UROD: variants seen among roughly 807,000 people sequenced by gnomAD.
UROD encodes the protein uroporphyrinogen III decarboxylase.
A neutral mutation model predicts 47.1 loss-of-function variants in UROD; 34 were observed. The ratio of observed to expected loss-of-function variants is 0.72; its 90% confidence interval spans 0.55 to 0.96. The LOEUF (loss-of-function observed/expected upper bound fraction) is 0.96, where lower values mean the gene tolerates loss of function less well. Ranked by LOEUF, UROD falls within the 40% of genes least tolerant of loss-of-function variation. The probability of loss-of-function intolerance (pLI) is 0.00; values close to 1 mark genes in which losing one functional copy is unlikely to be tolerated. For missense variants in UROD, 381 were observed against 471.8 expected (o/e 0.81, Z 1.78); for synonymous variants, 148 against 175.8 (o/e 0.84, Z 1.25).
intron 1 of UROD, 35 bp from the exon 2 acceptor site, chr1:45,012,872 A>G: frequency 6.2e-7 from 1 of 1,612,570 alleles, no homozygotes; most frequent in South Asian, 1.1e-5. Flanking sequence ...AGCGTAGCAT[A>G]CTGACACCTA....
chr1:45,015,202 G>A (rs915691418), intron 9 of UROD, 135 bp from the exon 10 acceptor site: 1 of 1,451,426 alleles, frequency 6.9e-7, no homozygotes, highest in African/African-American at 1.4e-5. Flanking sequence ...CCATACTAGG[G>A]ATCTGATAAA....
chr1:45,013,442 T>G lies in UROD; in HGVS notation c.276+88T>G. ...TCCAGTCAAGGTTTACAATAAGCAC[T>G]TATCCTAACTGGATCGAGGGAAAAA... is the stretch of plus-strand genomic sequence containing the variant. On this transcript the variant is annotated intron_variant, in intron 4 of 9. Transcript: ENST00000246337. The surrounding 1 kb of genome is among the most constrained non-coding windows in gnomAD (Gnocchi z 4.2). 1 of 1,605,868 alleles carries G rather than the reference T, an allele frequency of 6.2e-7. No homozygotes were observed. The highest frequency in any genetic ancestry group is 8.5e-7 in the Non-Finnish European group (1 of 1,172,590).
chr1:45,013,325 A>T lies in UROD; in HGVS notation c.247A>T (p.Ile83Phe). ...TCGCTTCCCTCTGGATGCTGCCATC[A>T]TTTTCTCCGACATCCTTGTTGTACC... ...LRRFPLDAAIIFSDILVVPQA... is the reference protein window; with the variant it reads ...LRRFPLDAAIFFSDILVVPQA... The change falls in exon 4 of 10, where the codon ATT (isoleucine) becomes TTT (phenylalanine). Residue 83 changes from isoleucine (I) to phenylalanine (F), a missense_variant. Ile to Phe is a conservative substitution (Grantham distance 21). Coordinates refer to ENST00000246337, the MANE Select transcript of UROD (RefSeq NM_000374.5). This position sits in a 1 kb window ranked among gnomAD's most constrained non-coding sequence, Gnocchi z 4.2. 6.2e-7 allele frequency: 1 copy of T among 1,614,094 alleles called. No individual in the cohort carries two copies. Among genetic ancestry groups the T allele is most frequent in the South Asian group, 1.1e-5 (1 of 91,078 alleles).
rs776582673 is a variant in UROD at position 45,013,525 on chromosome 1, G to C, written c.277-69G>C. ...TTTATTCTCCTTTTCCTTCCTCCTG[G>C]AATGAGCTGAACAGAACCTTTCCTC... On this transcript the variant is annotated intron_variant, in intron 4 of 9. Coordinates refer to ENST00000246337, the MANE Select transcript of UROD (RefSeq NM_000374.5). This position sits in a 1 kb window ranked among gnomAD's most constrained non-coding sequence, Gnocchi z 4.2. 137 of 1,610,758 alleles carry C rather than the reference G, an allele frequency of 8.5e-5. No individual in the cohort carries two copies. The highest frequency in any genetic ancestry group is 1.1e-4 in the Non-Finnish European group (126 of 1,177,932).
rs141274299 is a variant in UROD at position 45,012,992 on chromosome 1, A to C, written c.106A>C (p.Met36Leu). Residue 36 changes from methionine (M) to leucine (L), a missense_variant, in exon 2 of 10, where the codon ATG (methionine) becomes CTG (leucine). Physicochemically the swap from Met to Leu is conservative, Grantham distance 15. Coordinates refer to ENST00000246337, the MANE Select transcript of UROD (RefSeq NM_000374.5). Reference protein sequence around the residue: ...EETDYTPVWCMRQAGRYLPEF... With the variant: ...EETDYTPVWCLRQAGRYLPEF... Reference sequence around the variant, plus strand: ...AACAGACTACACTCCCGTTTGGTGCATGCGCCAGGCAGGCCGTTACTTACC... The same window carrying C: ...AACAGACTACACTCCCGTTTGGTGCCTGCGCCAGGCAGGCCGTTACTTACC... The C allele has an allele frequency of 8.1e-6, 13 of 1,613,834 alleles. No individual in the cohort carries two copies. The African/African-American group carries it at 1.5e-4, about 18-fold the overall frequency.
intron 1 of UROD, 144 bp downstream of exon 1, chr1:45,012,429 A>G (rs1194991782): frequency 2.5e-6 from 3 of 1,222,746 alleles, no homozygotes; most frequent in Non-Finnish European, 3.6e-6. Flanking sequence ...GAATCCTAAA[A>G]CCATGGATTT....
Position 45,013,396 on chromosome 1 carries a change from C to A in UROD, c.276+42C>A. The A allele has an allele frequency of 6.2e-7, 1 of 1,612,920 alleles. No individual in the cohort carries two copies. Among genetic ancestry groups the A allele is most frequent in the Non-Finnish European group, 8.5e-7 (1 of 1,178,922 alleles). ...GATCCTAGAATATAATCCAAGGACG[C>A]CTTGAAAATCCTTCTATCAGTCCAG... On this transcript the variant is annotated intron_variant, in intron 4 of 9. Coordinates refer to ENST00000246337, the MANE Select transcript of UROD (RefSeq NM_000374.5). This position sits in a 1 kb window ranked among gnomAD's most constrained non-coding sequence, Gnocchi z 4.2.
intron 6 of UROD, 165 bp from the exon 7 acceptor site, chr1:45,014,274 C>A: frequency 2.3e-6 from 3 of 1,321,608 alleles, no homozygotes; most frequent in Non-Finnish European, 3.2e-6. Flanking sequence ...AAAGTTAGTG[C>A]TGGGATCTGA....
Position 45,013,041 on chromosome 1 carries a change from T to G in UROD, c.133+22T>G, listed in dbSNP as rs775870394. Reference sequence around the variant, plus strand: ...CCAGGTAAGAGTCAGGGTCTGGAAATCTAGATAAAACTCCGGAGGGAGAAA... The same window carrying G: ...CCAGGTAAGAGTCAGGGTCTGGAAAGCTAGATAAAACTCCGGAGGGAGAAA... On this transcript the variant is annotated intron_variant, in intron 2 of 9. Coordinates refer to ENST00000246337, the MANE Select transcript of UROD (RefSeq NM_000374.5). This position sits in a 1 kb window ranked among gnomAD's most constrained non-coding sequence, Gnocchi z 4.2. 4 of 1,613,976 alleles carry G rather than the reference T, an allele frequency of 2.5e-6. No individual in the cohort carries two copies. The Admixed American group carries it at 6.7e-5, about 27-fold the overall frequency.
chr1:45,013,492 G>A lies in UROD; in HGVS notation c.277-102G>A. On this transcript the variant is annotated intron_variant, in intron 4 of 9. Transcript: ENST00000246337. This position sits in a 1 kb window ranked among gnomAD's most constrained non-coding sequence, Gnocchi z 4.2. ...ACTAAGGTTGAAAGAAATGGAGTTT[G>A]GCAGAGTTTTATTCTCCTTTTCCTT... The A allele has an allele frequency of 1.2e-6, 2 of 1,602,734 alleles. No homozygotes were observed. Among genetic ancestry groups the A allele is most frequent in the South Asian group, 1.1e-5 (1 of 90,430 alleles).
In UROD at chr1:45,013,212, G is replaced by A; in HGVS notation, c.210G>A (p.Leu70=). 1.2e-6 allele frequency: 2 copies of A among 1,614,204 alleles called. No individual in the cohort carries two copies. Among genetic ancestry groups the A allele is most frequent in the South Asian group, 1.1e-5 (1 of 91,088 alleles). Residue 70 remains leucine (L), a synonymous_variant, in exon 3 of 10, where the codon CTG becomes CTA. Transcript: ENST00000246337. The surrounding 1 kb of genome is among the most constrained non-coding windows in gnomAD (Gnocchi z 4.2). ...RSPEACCELT[L]QPLRRFPLDA... ...CTGAGGCCTGCTGTGAACTGACTCT[G>A]CAGGTGAGGGGTCCACAAAAGAGGG...
In UROD at chr1:45,014,038, T is replaced by C. The variant is rs1432218753; in HGVS notation, c.604T>C (p.Tyr202His). The change falls in exon 6 of 10, where the codon TAT (tyrosine) becomes CAT (histidine). Residue 202 changes from tyrosine (Y) to histidine (H), a missense_variant. Physicochemically the swap from Tyr to His is moderately conservative, Grantham distance 83 (BLOSUM62 2). Transcript: ENST00000246337. ...LRILTDALVP[Y>H]LVGQVVAGAQ... ...CATCCTCACTGATGCTCTGGTCCCA[T>C]ATCTGGTAGGACAAGTGGTGGCTGG... 1.2e-6 allele frequency: 2 copies of C among 1,614,108 alleles called. No individual in the cohort carries two copies. Among genetic ancestry groups the C allele is most frequent in the African/African-American group, 2.7e-5 (2 of 74,942 alleles).
At position 45,014,531 on chromosome 1, in the gene UROD, A is replaced by G. The variant is rs764027948; in HGVS notation, c.729A>G (p.Gln243=). The change falls in exon 7 of 10, where the codon CAA becomes CAG. Residue 243 remains glutamine (Q), a synonymous_variant. Transcript: ENST00000246337. ...CTTACATCCGTGATGTGGCCAAGCA[A>G]GTGAAGGCCAGGTTGCGGGAGGCAG... is the stretch of plus-strand genomic sequence containing the variant. ...ALPYIRDVAK[Q]VKARLREAGL... 1 of 1,614,216 alleles carries G rather than the reference A, an allele frequency of 6.2e-7. No individual in the cohort carries two copies. Among genetic ancestry groups the G allele is most frequent in the Non-Finnish European group, 8.5e-7 (1 of 1,180,034 alleles).
rs370615357 is a variant in UROD, at chr1:45,014,477, C to T, written c.675C>T (p.Gly225=). The T allele has an allele frequency of 2.7e-5, 43 of 1,614,052 alleles. No individual in the cohort carries two copies. The highest frequency in any genetic ancestry group is 3.5e-5 in the Non-Finnish European group (41 of 1,180,044). The change falls in exon 7 of 10, where the codon GGC becomes GGT. Residue 225 remains glycine (G), a synonymous_variant. Coordinates refer to ENST00000246337, the MANE Select transcript of UROD (RefSeq NM_000374.5). ...TTGAGTCCCATGCAGGGCATCTTGGCCCACAGCTCTTCAACAAGTTTGCAC... is the reference window on the plus strand; with the variant it reads ...TTGAGTCCCATGCAGGGCATCTTGGTCCACAGCTCTTCAACAAGTTTGCAC... ...QLFESHAGHL[G]PQLFNKFALP...
Position 45,013,674 on chromosome 1 carries a change from A to C in UROD, c.357A>C (p.Glu119Asp). 6.2e-7 allele frequency: 1 copy of C among 1,614,072 alleles called. No homozygotes were observed. Among genetic ancestry groups the C allele is most frequent in the South Asian group, 1.1e-5 (1 of 91,082 alleles). The change falls in exon 5 of 10, where the codon GAA (glutamate) becomes GAC (aspartate). Residue 119 changes from glutamate (E) to aspartate (D), a missense_variant. Physicochemically the swap from Glu to Asp is conservative, Grantham distance 45 (BLOSUM62 2). Coordinates refer to ENST00000246337, the MANE Select transcript of UROD (RefSeq NM_000374.5). This position sits in a 1 kb window ranked among gnomAD's most constrained non-coding sequence, Gnocchi z 4.2. ...CATTAAGAGAAGAGCAGGACCTAGA[A>C]CGCCTACGGGATCCAGAAGTGGTAG... is the stretch of plus-strand genomic sequence containing the variant. ...PEPLREEQDL[E>D]RLRDPEVVAS...
intron 9 of UROD, 28 bp from the exon 10 acceptor site, chr1:45,015,309 T>C (rs1350017675): frequency 6.2e-7 from 1 of 1,613,002 alleles, no homozygotes; most frequent in East Asian, 2.2e-5. Flanking sequence ...CTGGTCCTCC[T>C]GTAGCCAGTG....
rs116233118 is a variant in UROD, at chr1:45,015,346, G to A, written c.952G>A (p.Gly318Arg). The A allele has an allele frequency of 1.0e-3, 1,674 of 1,613,998 alleles. 15 individuals are homozygous for A. The African/African-American group carries it at 0.017, about 16-fold the overall frequency. Reference protein sequence around the residue: ...CALYASEEEIGQLVKQMLDDF... With the variant: ...CALYASEEEIRQLVKQMLDDF... ...CCTGTTGGTCCCCCAGGAGGAGATCGGGCAGTTGGTGAAGCAGATGCTGGA... is the reference window on the plus strand; with the variant it reads ...CCTGTTGGTCCCCCAGGAGGAGATCAGGCAGTTGGTGAAGCAGATGCTGGA... Residue 318 changes from glycine to arginine, a missense_variant, in exon 10 of 10, where the codon GGG becomes AGG. Coordinates refer to ENST00000246337, the MANE Select transcript of UROD (RefSeq NM_000374.5).
At chr1:45,012,530 C>T (rs192417733) in intron 1 of UROD, among the ~76,000 whole-genome samples, 4 of 152,340 alleles carry the variant, frequency 2.6e-5, no homozygotes, top group Non-Finnish European at 5.9e-5. Context: ...TCTGATCCCT[C>T]TTTATCCCCC....
chr1:45,014,300 T>A (rs544132784), intron 6 of UROD, 139 bp from the exon 7 acceptor site: 1 of 1,440,104 alleles, frequency 6.9e-7, no homozygotes. Flanking sequence ...GTAAATTTTT[T>A]TTTTTTTAAT....
Sources: allele counts gnomAD v4.1 joint callset (sites outside exome capture counted in the v4.1 genomes callset), GRCh38; gene constraint gnomAD v4.1.1; non-coding constraint Gnocchi (gnomAD v3.1); transcripts MANE v1.5; gene names NCBI Gene and HGNC (gene_info 2026-07-23, HGNC 2026-07-21).